Variants in RAC1 observed in about 807,000 individuals in gnomAD.
RAC1 encodes the protein ras-related C3 botulinum toxin substrate 1.
Under a neutral mutation model 25.2 loss-of-function variants are expected in RAC1, and 2 were observed. That is an observed-to-expected ratio of 0.08 (90% confidence interval 0.03 to 0.25). RAC1 has a LOEUF of 0.25. RAC1 is among the 10% of genes least tolerant of loss of function. The probability of loss-of-function intolerance (pLI) is 1.00; values close to 1 mark genes in which losing one functional copy is unlikely to be tolerated. For missense variants in RAC1, 50 were observed against 235.7 expected (o/e 0.21, Z 5.16); for synonymous variants, 88 against 94.0 (o/e 0.94, Z 0.37).
intron 1 of RAC1, among the ~76,000 whole-genome samples, chr7:6,378,872 G>A (rs1782683148): frequency 6.6e-6 from 1 of 152,200 alleles, no homozygotes; most frequent in Admixed American, 6.6e-5. Flanking sequence ...CGGATTGCCT[G>A]AAGTCAGGAG....
At chr7:6,381,740 G>T (rs1782771452) in intron 1 of RAC1, among the ~76,000 whole-genome samples, 1 of 152,116 alleles carries the variant, frequency 6.6e-6, no homozygotes, top group Non-Finnish European at 1.5e-5. Flanking sequence ...GATATTGGTA[G>T]TAGAACATCA....
At chr7:6,397,045 A>C (rs1450516067) in intron 3 of RAC1, among the ~76,000 whole-genome samples, 11 of 145,742 alleles carry the variant, frequency 7.5e-5, no homozygotes, top group South Asian at 6.5e-4. Flanking sequence ...ACAAAAAAAA[A>C]AAAAAAAAAG....
chr7:6,394,806 A>C (rs1783184216), intron 3 of RAC1, among the ~76,000 whole-genome samples: 1 of 151,802 alleles, frequency 6.6e-6, no homozygotes, highest in Non-Finnish European at 1.5e-5. Context: ...CTAGTCTCTC[A>C]AGTAGCTGGG....
chr7:6,389,727 A>G (rs1036647299), intron 2 of RAC1, among the ~76,000 whole-genome samples: 1 of 152,058 alleles, frequency 6.6e-6, no homozygotes, highest in Non-Finnish European at 1.5e-5. Context: ...ATGTTTTGCT[A>G]TATTGCCCAG....
At chr7:6,400,827 C>T (rs574231714) in intron 4 of RAC1, among the ~76,000 whole-genome samples, 1 of 152,210 alleles carries the variant, frequency 6.6e-6, no homozygotes, top group South Asian at 2.1e-4. Flanking sequence ...AGGCATGCAC[C>T]ACCACGCCCG....
Position 6,402,661 on chromosome 7 carries a change from T to A in RAC1, c.*215T>A. ...TTGTTCTAAATGTAAGAGTTCAGAC[T>A]CACATTCTATTAAAATTTAGCCCTA... is the stretch of plus-strand genomic sequence containing the variant. On this transcript the variant is annotated 3_prime_UTR_variant, in exon 6 of 6. Coordinates refer to ENST00000348035, the MANE Select transcript of RAC1 (RefSeq NM_006908.5). 1 of 422,176 alleles carries A rather than the reference T, an allele frequency of 2.4e-6. No homozygotes were observed. Among genetic ancestry groups the A allele is most frequent in the Non-Finnish European group, 4.0e-6 (1 of 250,876 alleles). 26.2% of individuals were successfully genotyped at this position (422,176 alleles called of 1,614,324 possible).
chr7:6,396,795 C>T (rs1783248652), intron 3 of RAC1, among the ~76,000 whole-genome samples: 1 of 152,092 alleles, frequency 6.6e-6, no homozygotes, highest in African/African-American at 2.4e-5. Flanking sequence ...CTTTGGGAGG[C>T]CGAGGTGGGC....
At chr7:6,387,705 A>G (rs949667489) in intron 2 of RAC1, among the ~76,000 whole-genome samples, 9 of 151,990 alleles carry the variant, frequency 5.9e-5, no homozygotes, top group Admixed American at 3.9e-4. Context: ...AGCCTGGGCA[A>G]TGAGAGCGAA....
intron 1 of RAC1, among the ~76,000 whole-genome samples, chr7:6,377,550 G>A (rs554888744): frequency 5.9e-5 from 9 of 152,164 alleles, no homozygotes; most frequent in African/African-American, 9.7e-5. Flanking sequence ...AGCTGAGATT[G>A]TGCCATTGCA....
chr7:6,385,415 A>G (rs1782898853), intron 1 of RAC1, among the ~76,000 whole-genome samples: 1 of 152,154 alleles, frequency 6.6e-6, no homozygotes, highest in African/African-American at 2.4e-5. Context: ...GGAAGTTGAA[A>G]CTTGCCAAAA....
At position 6,377,764 on chromosome 7, in the gene RAC1, A is replaced by G. The variant is rs34027956; in HGVS notation, c.35+2994A>G. On this transcript the variant is annotated intron_variant, in intron 1 of 5. Coordinates refer to ENST00000348035, the MANE Select transcript of RAC1 (RefSeq NM_006908.5). ...ACCTCGTCTCTACTAAAAATAGAAA[A>G]ATTAGCTGGGCACGCCTGTAATCCT... is the stretch of plus-strand genomic sequence containing the variant. Among the ~76,000 whole-genome samples, 15 of 151,794 alleles carry G rather than the reference A, an allele frequency of 9.9e-5. No homozygotes were observed. In the East Asian group the frequency reaches 2.9e-3, roughly 29 times the overall value.
chr7:6,381,105 T>G (rs1782750530), intron 1 of RAC1, among the ~76,000 whole-genome samples: 1 of 152,026 alleles, frequency 6.6e-6, no homozygotes, highest in Non-Finnish European at 1.5e-5. Context: ...TGACCTCAGG[T>G]GATCCACCTG....
chr7:6,387,593 C>T (rs542065649), intron 2 of RAC1, among the ~76,000 whole-genome samples: 3 of 151,770 alleles, frequency 2.0e-5, no homozygotes, highest in African/African-American at 7.3e-5. Flanking sequence ...GGTGTGGTGG[C>T]GGGTGCCTGT....
rs367938545 is a variant in RAC1 at position 6,400,095 on chromosome 7, C to T, written c.226-31C>T. Reference sequence around the variant, plus strand: ...GCATGCTTCATTCTAAGGTTGTTGTCTAAATGTTTCCCTGTGTTTCCTTTT... The same window carrying T: ...GCATGCTTCATTCTAAGGTTGTTGTTTAAATGTTTCCCTGTGTTTCCTTTT... On this transcript the variant is annotated intron_variant, in intron 3 of 5. Transcript: ENST00000348035. The T allele has an allele frequency of 5.1e-5, 80 of 1,578,230 alleles. 1 individual carries two copies. The African/African-American group carries it at 9.3e-4, about 18-fold the overall frequency.
chr7:6,390,323 C>T (rs904011268), intron 2 of RAC1, among the ~76,000 whole-genome samples: 1 of 151,766 alleles, frequency 6.6e-6, no homozygotes, highest in Non-Finnish European at 1.5e-5. Flanking sequence ...CCACCTTACC[C>T]GGGCACGGTG....
rs1783105397 is a variant in RAC1, at chr7:6,392,023, C to T, written c.207C>T (p.Pro69=). 6.2e-7 allele frequency: 1 copy of T among 1,614,176 alleles called. No individual in the cohort carries two copies. The highest frequency in any genetic ancestry group is 1.3e-5 in the African/African-American group (1 of 75,034). Residue 69 remains proline (P), a synonymous_variant, in exon 3 of 6, where the codon CCC becomes CCT. Coordinates refer to ENST00000348035, the MANE Select transcript of RAC1 (RefSeq NM_006908.5). The part of the protein sequence containing the change: ...AGQEDYDRLR[P]LSYPQTDVFL... Reference sequence around the variant, plus strand: ...AAGAAGATTATGACAGATTACGCCCCCTATCCTATCCGCAAACAGTAAGGA... The same window carrying T: ...AAGAAGATTATGACAGATTACGCCCTCTATCCTATCCGCAAACAGTAAGGA...
At position 6,376,785 on chromosome 7, in the gene RAC1, T is replaced by TG. The variant is rs1447462355; in HGVS notation, c.35+2015_35+2016insG. 2.0e-5 allele frequency among the ~76,000 whole-genome samples: 3 copies of TG among 150,400 alleles called. No individual in the cohort carries two copies. In the East Asian group the frequency reaches 5.8e-4, roughly 29 times the overall value. On this transcript the variant is annotated intron_variant, in intron 1 of 5. Transcript: ENST00000348035. Reference sequence around the variant, plus strand: ...GATCCGCCCGCCTCGGCCTGTTTTTTTTTTTTTTTTTTTTTAAGTCATATT... The same window carrying TG: ...GATCCGCCCGCCTCGGCCTGTTTTTTGTTTTTTTTTTTTTTTAAGTCATATT...
chr7:6,387,137 A>G, intron 1 of RAC1, 75 bp from the exon 2 acceptor site: 1 of 986,562 alleles, frequency 1.0e-6, no homozygotes, highest in Non-Finnish European at 1.5e-6. Flanking sequence ...TTCTCTAGAA[A>G]TTATTTTAAC....
intron 3 of RAC1, among the ~76,000 whole-genome samples, chr7:6,398,871 T>A (rs1783320530): frequency 6.6e-6 from 1 of 152,182 alleles, no homozygotes; most frequent in Non-Finnish European, 1.5e-5. Flanking sequence ...GAAATAAACT[T>A]CATTAGAGTG....
Sources: allele counts gnomAD v4.1 joint callset (sites outside exome capture counted in the v4.1 genomes callset), GRCh38; gene constraint gnomAD v4.1.1; transcripts MANE v1.5; gene names NCBI Gene and HGNC (gene_info 2026-07-23, HGNC 2026-07-21).